The following SHC4 variants were observed in gnomAD, a reference collection of about 807,000 sequenced individuals.
SHC4 encodes the protein SHC-transforming protein 4.
SHC4 carries 41 observed loss-of-function variants against 69.4 expected under a neutral mutation model. That is an observed-to-expected ratio of 0.59 (90% CI 0.46 to 0.77). The LOEUF (loss-of-function observed/expected upper bound fraction) is 0.77. Ranked by LOEUF, SHC4 falls within the 30% of genes least tolerant of loss-of-function variation. The pLI is 0.00. For synonymous variants in SHC4, 318 were observed against 299.3 expected, an observed-to-expected ratio of 1.06 and a Z score of -0.64; for missense variants, 777 against 783.8, an observed-to-expected ratio of 0.99 and a Z score of 0.10.
chr15:48,936,953 A>G (rs1901082463), intron 1 of SHC4, among the ~76,000 whole-genome samples: 1 of 152,168 alleles, frequency 6.6e-6, no homozygotes, highest in Non-Finnish European at 1.5e-5. Context: ...AGCACAGACA[A>G]AGTCACCCAG....
intron 1 of SHC4, among the ~76,000 whole-genome samples, chr15:48,941,486 G>T (rs1004090002): frequency 3.3e-5 from 5 of 152,148 alleles, no homozygotes; most frequent in African/African-American, 7.2e-5. Context: ...AAGCTTAGGG[G>T]AGGGTGTTAT....
In SHC4 at chr15:48,943,358, T is replaced by C. The variant is rs1192150903; in HGVS notation, c.586-18409A>G. Among the ~76,000 whole-genome samples the C allele has an allele frequency of 2.0e-5, 3 of 152,328 alleles. No individual in the cohort carries two copies. The East Asian group carries it at 5.8e-4, about 29-fold the overall frequency. On this transcript the variant is annotated intron_variant, in intron 1 of 11. Coordinates refer to ENST00000332408, the MANE Select transcript of SHC4 (RefSeq NM_203349.4). ...TATAAGTGAAATCATGCAGTAGTTT[T>C]CTTTCTATATCTGGCTTATTTCACT...
intron 7 of SHC4, 87 bp from the exon 8 acceptor site, chr15:48,856,211 T>C (rs77272932): frequency 7.6e-7 from 1 of 1,310,350 alleles, no homozygotes; most frequent in African/African-American, 1.5e-5. Context: ...AAGCAAATCA[T>C]CCTGAAAAAC....
chr15:48,930,105 A>C (rs544322336), intron 1 of SHC4, among the ~76,000 whole-genome samples: 1 of 152,304 alleles, frequency 6.6e-6, no homozygotes, highest in African/African-American at 2.4e-5. Flanking sequence ...ACGCTACCTA[A>C]AGAAAAAAAA....
At chr15:48,877,449 T>A (rs949875422) in intron 4 of SHC4, 1 of 982,968 alleles carries the variant, frequency 1.0e-6, no homozygotes, top group African/African-American at 1.8e-5. Context: ...CCTGAGGCTT[T>A]TAAGTTGAAG....
At chr15:48,933,207 C>A (rs1046306936) in intron 1 of SHC4, among the ~76,000 whole-genome samples, 10 of 152,150 alleles carry the variant, frequency 6.6e-5, no homozygotes, top group Admixed American at 3.3e-4. Flanking sequence ...GGAAACCAGA[C>A]CCTGTGATTT....
In SHC4 at chr15:48,825,818, C is replaced by A. The variant is rs1250074652; in HGVS notation, c.*153G>T. The A allele has an allele frequency of 3.4e-6, 3 of 883,490 alleles. No individual in the cohort carries two copies. The highest frequency in any genetic ancestry group is 1.7e-5 in the African/African-American group (1 of 58,680). The allele number at this position is 883,490 out of a possible 1,614,324, so 54.7% of individuals were successfully genotyped here. On this transcript the variant is annotated 3_prime_UTR_variant, in exon 12 of 12. Transcript: ENST00000332408. ...TGAAGACTAATTTTTGTTAGTTCTT[C>A]ATTTTATAGAGGACCTGGTCCATGA...
chr15:48,826,156 T>C (rs143182120), intron 11 of SHC4, 30 bp from the exon 12 acceptor site: 4 of 1,589,606 alleles, frequency 2.5e-6, no homozygotes, highest in South Asian at 2.3e-5. Flanking sequence ...TATATTTAGG[T>C]TAAATTATAG....
chr15:48,856,223 T>G, intron 7 of SHC4, 99 bp from the exon 8 acceptor site: 1 of 1,187,166 alleles, frequency 8.4e-7, no homozygotes, highest in African/African-American at 1.5e-5. Flanking sequence ...CTGAAAAACT[T>G]TGCATTCATG....
intron 6 of SHC4, among the ~76,000 whole-genome samples, chr15:48,862,175 G>A (rs887503207): frequency 6.6e-6 from 1 of 150,804 alleles, no homozygotes; most frequent in Non-Finnish European, 1.5e-5. Flanking sequence ...ATTAATTTAA[G>A]TTGGTTTTAC....
At chr15:48,845,538 AAT>A (rs1015617268) in intron 9 of SHC4, among the ~76,000 whole-genome samples, 7 of 152,198 alleles carry the variant, frequency 4.6e-5, no homozygotes, top group Non-Finnish European at 7.3e-5. Flanking sequence ...TGCTTTTACA[AAT>A]GGAAAGTGGC....
In SHC4 at chr15:48,824,112, C is replaced by G. The variant is rs1197013502; in HGVS notation, c.*1859G>C. On this transcript the variant is annotated 3_prime_UTR_variant, in exon 12 of 12. Coordinates refer to ENST00000332408, the MANE Select transcript of SHC4 (RefSeq NM_203349.4). ...TACATTTCTACTGTCTATACTCATGCTGATCCCCTTTTTAAGGACAAACGA... is the reference window on the plus strand; with the variant it reads ...TACATTTCTACTGTCTATACTCATGGTGATCCCCTTTTTAAGGACAAACGA... The G allele has an allele frequency of 6.6e-6, 1 of 152,176 alleles. No individual in the cohort carries two copies. The highest frequency in any genetic ancestry group is 1.5e-5 in the Non-Finnish European group (1 of 68,030). 9.4% of individuals were successfully genotyped at this position (152,176 alleles called of 1,614,324 possible). A position where few individuals can be genotyped will look rare whatever the true frequency, so the allele number is the denominator to read the frequency against.
intron 6 of SHC4, among the ~76,000 whole-genome samples, chr15:48,862,626 T>C (rs12050777): frequency 0.047 from 7,183 of 152,230 alleles, 469 homozygotes; most frequent in African/African-American, 0.15. Flanking sequence ...TCAACCATAC[T>C]GTCCTCCTCA....
In SHC4 at chr15:48,946,649, C is replaced by T. The variant is rs763051027; in HGVS notation, c.585+15782G>A. ...CATGTTGAGATTTTTCACTGGATGG[C>T]TGTTCCCCATTCCTTGCTTATCTTT... On this transcript the variant is annotated intron_variant, in intron 1 of 11. Coordinates refer to ENST00000332408, the MANE Select transcript of SHC4 (RefSeq NM_203349.4). 404 of 949,364 alleles carry T rather than the reference C, an allele frequency of 4.3e-4. No homozygotes were observed. The Middle Eastern group carries it at 4.3e-3, about 10-fold the overall frequency. The allele number at this position is 949,364 out of a possible 1,614,324, so 58.8% of individuals were successfully genotyped here. A position where few individuals can be genotyped will look rare whatever the true frequency, so the allele number is the denominator to read the frequency against.
chr15:48,841,184 A>G (rs1898982296), intron 10 of SHC4, among the ~76,000 whole-genome samples: 4 of 152,216 alleles, frequency 2.6e-5, no homozygotes, highest in Non-Finnish European at 5.9e-5. Context: ...CACCCACTAA[A>G]TAAGTTCTCT....
At chr15:48,858,640 C>T (rs961785834) in intron 6 of SHC4, among the ~76,000 whole-genome samples, 7 of 152,166 alleles carry the variant, frequency 4.6e-5, no homozygotes, top group Admixed American at 2.0e-4. Flanking sequence ...ATCTCCCTAC[C>T]ATATGTAACA....
chr15:48,866,480 A>C (rs985444584), intron 6 of SHC4, among the ~76,000 whole-genome samples: 6 of 152,158 alleles, frequency 3.9e-5, no homozygotes, highest in Non-Finnish European at 8.8e-5. Context: ...CATTTCTGAC[A>C]ATCACAATAG....
intron 1 of SHC4, among the ~76,000 whole-genome samples, chr15:48,948,981 C>T (rs898083179): frequency 1.3e-5 from 2 of 152,182 alleles, no homozygotes; most frequent in Non-Finnish European, 2.9e-5. Context: ...GGGAATGGAA[C>T]CTCATCCGTT....
chr15:48,878,131 T>C lies in SHC4; in HGVS notation c.841-5989A>G, dbSNP rs752415358. The C allele has an allele frequency of 1.1e-5, 17 of 1,510,764 alleles. No homozygotes were observed. The African/African-American group carries it at 2.4e-4, about 21-fold the overall frequency. The allele number at this position is 1,510,764 out of a possible 1,614,324, so 93.6% of individuals were successfully genotyped here. A position where few individuals can be genotyped will look rare whatever the true frequency, so the allele number is the denominator to read the frequency against. ...CGCACGAACGCACGGCCGCGCAGCATCTGTCTTGCTGGAAGCTTTTTCCTA... is the reference window on the plus strand; with the variant it reads ...CGCACGAACGCACGGCCGCGCAGCACCTGTCTTGCTGGAAGCTTTTTCCTA... On this transcript the variant is annotated intron_variant, in intron 4 of 11. Transcript: ENST00000332408.
Sources: allele counts gnomAD v4.1 joint callset (sites outside exome capture counted in the v4.1 genomes callset), GRCh38; gene constraint gnomAD v4.1.1; transcripts MANE v1.5; gene names NCBI Gene and HGNC (gene_info 2026-07-23, HGNC 2026-07-21).